NUP107: variants seen among roughly 807,000 people sequenced by gnomAD.
The protein encoded by NUP107 is nuclear pore complex protein Nup107.
In NUP107, 101 loss-of-function variants were observed where a neutral mutation model predicts 141.0. The observed-to-expected ratio is 0.72, with a 90% CI of 0.61 to 0.84. NUP107 has a LOEUF of 0.84. NUP107 is among the 40% of genes least tolerant of loss of function. The pLI is 0.00. For missense variants in NUP107, 941 were observed against 1,102.7 expected, an observed-to-expected ratio of 0.85 and a Z score of 2.08; for synonymous variants, 319 against 363.9, an observed-to-expected ratio of 0.88 and a Z score of 1.41.
Position 68,742,428 on chromosome 12 carries a change from G to C in NUP107, c.2744G>C (p.Gly915Ala), listed in dbSNP as rs771372716. The C allele has an allele frequency of 4.4e-6, 7 of 1,601,974 alleles. No individual in the cohort carries two copies. The East Asian group carries it at 1.4e-4, about 31-fold the overall frequency. ...RESSLMLLDQ[G>A]LDPLGYEIQL ...TCCTCTCTAATGCTCCTAGACCAGGGACTTGACCCATTAGGGTATGAAATT... is the reference window on the plus strand; with the variant it reads ...TCCTCTCTAATGCTCCTAGACCAGGCACTTGACCCATTAGGGTATGAAATT... The change falls in exon 28 of 28, where the codon GGA (glycine) becomes GCA (alanine). Residue 915 changes from glycine to alanine, a missense_variant. Physicochemically the swap from Gly to Ala is moderately conservative, Grantham distance 60. Transcript: ENST00000229179.
At chr12:68,738,967 CT>C (rs147874650) in intron 26 of NUP107, among the ~76,000 whole-genome samples, 6 of 149,624 alleles carry the variant, frequency 4.0e-5, no homozygotes, top group Non-Finnish European at 3.0e-5. Context: ...TTGTTTTGTT[CT>C]TTTTTTTTTA....
intron 13 of NUP107, 71 bp downstream of exon 13, chr12:68,719,502 C>A (rs1475289422): frequency 6.4e-7 from 1 of 1,552,548 alleles, no homozygotes; most frequent in Non-Finnish European, 8.9e-7. Flanking sequence ...TCTTTGTGAA[C>A]TATAGCTTCT....
rs554942039 is a variant in NUP107 at position 68,699,538 on chromosome 12, G to A, written c.553-1188G>A. 1.4e-3 allele frequency among the ~76,000 whole-genome samples: 219 copies of A among 152,286 alleles called. 1 individual carries two copies. The highest frequency in any genetic ancestry group is 5.0e-3 in the African/African-American group (208 of 41,560). On this transcript the variant is annotated intron_variant, in intron 6 of 27. Coordinates refer to ENST00000229179, the MANE Select transcript of NUP107 (RefSeq NM_020401.4). ...ACCTCTGAATTGTTCTATTATAAAT[G>A]CAGTAGCTTCATTAAATAACACTTA...
intron 25 of NUP107, 148 bp downstream of exon 25, chr12:68,734,981 T>C: frequency 1.0e-6 from 1 of 991,960 alleles, no homozygotes; most frequent in Non-Finnish European, 1.5e-6. Flanking sequence ...GCAATCTGTT[T>C]AGTTACTTTT....
chr12:68,738,896 C>G (rs1000378509), intron 26 of NUP107, among the ~76,000 whole-genome samples: 1 of 152,168 alleles, frequency 6.6e-6, no homozygotes, highest in Non-Finnish European at 1.5e-5. Context: ...CTTTCTGATG[C>G]CTTCTTATTG....
chr12:68,732,911 G>A, intron 23 of NUP107, 172 bp downstream of exon 23: 1 of 416,796 alleles, frequency 2.4e-6, no homozygotes, highest in Non-Finnish European at 4.3e-6. Context: ...TCGAACTCCT[G>A]GCCTGAAGCA....
At chr12:68,711,530 C>T (rs1229693391) in intron 10 of NUP107, among the ~76,000 whole-genome samples, 3 of 136,742 alleles carry the variant, frequency 2.2e-5, no homozygotes, top group Non-Finnish European at 3.3e-5. Flanking sequence ...AGCGAGACTC[C>T]ACCTCAAAAA....
chr12:68,705,920 A>ACAACAAGTT (rs2136013579), intron 8 of NUP107: 2 of 908,188 alleles, frequency 2.2e-6, no homozygotes, highest in Admixed American at 3.4e-5. Context: ...GAGCAGATCA[A>ACAACAAGTT]GACCCTCAAC....
chr12:68,706,067 A>G, intron 8 of NUP107: 1 of 790,684 alleles, frequency 1.3e-6, no homozygotes, highest in Non-Finnish European at 2.3e-6. Flanking sequence ...AGCTACATCA[A>G]CAAACTTCTG....
intron 8 of NUP107, chr12:68,705,765 C>T: frequency 1.4e-6 from 1 of 731,964 alleles, no homozygotes; most frequent in Non-Finnish European, 2.5e-6. Context: ...TGGGCAGCAG[C>T]AGTTTCCGGG....
At chr12:68,702,585 C>A (rs1198782000) in intron 7 of NUP107, 151 bp from the exon 8 acceptor site, 2 of 530,518 alleles carry the variant, frequency 3.8e-6, no homozygotes, top group Non-Finnish European at 6.6e-6. Flanking sequence ...TTTTTGTTTA[C>A]AAAAATACAG....
chr12:68,736,002 A>C (rs1374679317), intron 26 of NUP107, among the ~76,000 whole-genome samples: 1 of 152,212 alleles, frequency 6.6e-6, no homozygotes, highest in Non-Finnish European at 1.5e-5. Flanking sequence ...ACATACTGGT[A>C]GAATTTGGAT....
At chr12:68,706,936 C>G in intron 8 of NUP107, 1 of 687,068 alleles carries the variant, frequency 1.5e-6, no homozygotes, top group Non-Finnish European at 2.6e-6. Context: ...TCAGCTACAG[C>G]CTGGACTCCA....
At chr12:68,730,166 A>G (rs1043312745) in intron 20 of NUP107, among the ~76,000 whole-genome samples, 2 of 135,536 alleles carry the variant, frequency 1.5e-5, no homozygotes, top group African/African-American at 5.4e-5. Flanking sequence ...GGGTCTCACT[A>G]TGTTGGCCAG....
intron 12 of NUP107, among the ~76,000 whole-genome samples, chr12:68,718,877 TG>T (rs1877227070): frequency 6.6e-6 from 1 of 151,786 alleles, no homozygotes; most frequent in Admixed American, 6.6e-5. Flanking sequence ...TATGTATGTA[TG>T]TATGTATGTA....
intron 23 of NUP107, among the ~76,000 whole-genome samples, 171 bp from the exon 24 acceptor site, chr12:68,733,281 C>T (rs1021869180): frequency 6.6e-6 from 1 of 152,024 alleles, no homozygotes; most frequent in Non-Finnish European, 1.5e-5. Flanking sequence ...CATTGAGATA[C>T]GAAAAAGCCA....
At chr12:68,735,460 C>T in intron 26 of NUP107, 116 bp downstream of exon 26, 2 of 705,428 alleles carry the variant, frequency 2.8e-6, no homozygotes, top group Non-Finnish European at 2.5e-6. Flanking sequence ...GTAGATATAG[C>T]TAAATCCCAT....
chr12:68,723,505 A>G (rs1046221702), intron 17 of NUP107, among the ~76,000 whole-genome samples: 2 of 152,200 alleles, frequency 1.3e-5, no homozygotes, highest in Admixed American at 6.5e-5. Context: ...CTGAGGCAGG[A>G]GAATCACTTG....
In NUP107 at chr12:68,705,780, C is replaced by T. The variant is rs1214718589; in HGVS notation, c.729+2996C>T. ...TGGGCAGCAGCAGTTTCCGGGGTAG[C>T]CTGGGTGGAGACTTTGGCAGGGCCA... On this transcript the variant is annotated intron_variant, in intron 8 of 27. Transcript: ENST00000229179. 8 of 747,934 alleles carry T rather than the reference C, an allele frequency of 1.1e-5. No individual in the cohort carries two copies. In the African/African-American group the frequency reaches 1.4e-4, roughly 13 times the overall value. The allele number at this position is 747,934 out of a possible 1,614,324, so 46.3% of individuals were successfully genotyped here.
Sources: gnomAD v4.1 joint callset for allele counts (sites outside exome capture counted in the v4.1 genomes callset) on GRCh38, gnomAD v4.1.1 for gene constraint, MANE v1.5 for transcripts, NCBI Gene and HGNC (gene_info 2026-07-23, HGNC 2026-07-21) for gene names.